TRDN: variants seen among roughly 807,000 people sequenced by gnomAD.
The protein encoded by TRDN is triadin.
In TRDN, 161 loss-of-function variants were observed where a neutral mutation model predicts 149.7. That is an observed-to-expected ratio of 1.08 (90% confidence interval 0.95 to 1.23). TRDN has a LOEUF of 1.23. TRDN is among the 50% of genes most tolerant of loss of function. TRDN has a pLI of 0.00. For synonymous variants in TRDN, 294 were observed against 250.5 expected (o/e 1.17, Z -1.64); for missense variants, 896 against 823.5 (o/e 1.09, Z -1.08).
intron 12 of TRDN, among the ~76,000 whole-genome samples, chr6:123,397,428 A>T (rs1772779066): frequency 6.6e-6 from 1 of 152,140 alleles, no homozygotes; most frequent in Non-Finnish European, 1.5e-5. Context: ...CTACCCTATA[A>T]ATTCTCTGAG....
At chr6:123,459,247 T>C (rs998029127) in intron 10 of TRDN, among the ~76,000 whole-genome samples, 74 of 152,166 alleles carry the variant, frequency 4.9e-4, no homozygotes, top group African/African-American at 1.7e-3. Flanking sequence ...CCGACCCTTA[T>C]GGGTTACATT....
chr6:123,468,266 G>T (rs1318224447), intron 9 of TRDN, among the ~76,000 whole-genome samples: 1 of 152,128 alleles, frequency 6.6e-6, no homozygotes, highest in African/African-American at 2.4e-5. Flanking sequence ...CTGAAGGAAA[G>T]ATTTAGGCTG....
intron 9 of TRDN, among the ~76,000 whole-genome samples, chr6:123,477,916 G>C (rs13218141): frequency 2.0e-5 from 3 of 149,772 alleles, no homozygotes; most frequent in Non-Finnish European, 4.4e-5. Context: ...TTGTGGGGTC[G>C]GGGGAGGGGG....
Position 123,464,933 on chromosome 6 carries a change from G to T in TRDN, c.904C>A (p.Pro302Thr). The T allele has an allele frequency of 1.3e-6, 2 of 1,597,774 alleles. No homozygotes were observed. Among genetic ancestry groups the T allele is most frequent in the Non-Finnish European group, 8.5e-7 (1 of 1,171,860 alleles). The change falls in exon 10 of 41, where the codon CCC (proline) becomes ACC (threonine). Residue 302 changes from proline to threonine, a missense_variant. Pro to Thr is a conservative substitution (Grantham distance 38). Transcript: ENST00000334268. ...TCAAGGGCAGGTGATGCCGGAGTGG[G>T]TCTGGAAGCTTGTTCTGTCGGTAAG... Reference protein sequence around the residue: ...PPLPTEQASRPTPASPALEEK... With the variant: ...PPLPTEQASRTTPASPALEEK...
intron 12 of TRDN, among the ~76,000 whole-genome samples, chr6:123,437,717 T>C (rs1774647525): frequency 6.6e-6 from 1 of 152,092 alleles, no homozygotes; most frequent in Admixed American, 6.6e-5. Context: ...AACTACTTCT[T>C]ACCATGCAGA....
chr6:123,410,349 C>A (rs1773381925), intron 12 of TRDN, among the ~76,000 whole-genome samples: 1 of 152,102 alleles, frequency 6.6e-6, no homozygotes, highest in Non-Finnish European at 1.5e-5. Flanking sequence ...CATTTTCTCC[C>A]CTTTTGCAAG....
chr6:123,590,857 G>C (rs1338368178), intron 1 of TRDN, among the ~76,000 whole-genome samples: 1 of 152,124 alleles, frequency 6.6e-6, no homozygotes, highest in Non-Finnish European at 1.5e-5. Flanking sequence ...CCCTGCCCTG[G>C]CCTGTGGAAA....
intron 19 of TRDN, among the ~76,000 whole-genome samples, chr6:123,370,874 C>T (rs1781296509): frequency 6.9e-6 from 1 of 144,702 alleles, no homozygotes; most frequent in African/African-American, 2.6e-5. Flanking sequence ...TATCTAGTGC[C>T]CATTTTTTTT....
intron 38 of TRDN, among the ~76,000 whole-genome samples, chr6:123,241,081 T>G (rs1384065680): frequency 6.6e-6 from 1 of 151,836 alleles, no homozygotes; most frequent in Non-Finnish European, 1.5e-5. Flanking sequence ...ATTATCATTT[T>G]ATAATTTACT....
At chr6:123,264,011 A>T (rs994068143) in intron 33 of TRDN, among the ~76,000 whole-genome samples, 12 of 152,100 alleles carry the variant, frequency 7.9e-5, no homozygotes, top group Non-Finnish European at 1.3e-4. Context: ...TGGTCACTCA[A>T]GAGCTCTAAT....
At chr6:123,465,131 T>A (rs1018967954) in intron 9 of TRDN, 148 bp from the exon 10 acceptor site, 41 of 883,764 alleles carry the variant, frequency 4.6e-5, no homozygotes, top group Non-Finnish European at 6.2e-5. Flanking sequence ...AAGAAAGCTA[T>A]TATTAAGGGA....
rs149656169 is a variant in TRDN, at chr6:123,537,806, G to T, written c.425-7241C>A. Among the ~76,000 whole-genome samples, 28 of 152,274 alleles carry T rather than the reference G, an allele frequency of 1.8e-4. 2 individuals carry two copies. The highest frequency in any genetic ancestry group is 6.5e-4 in the African/African-American group (27 of 41,552). On this transcript the variant is annotated intron_variant, in intron 4 of 40. Transcript: ENST00000334268. ...TATCAGTGATTCCTGTGAATGAGCT[G>T]ATTTTGTAGTGACGTATTTCTAAAT...
intron 24 of TRDN, among the ~76,000 whole-genome samples, chr6:123,286,930 G>T (rs1777823879): frequency 6.6e-6 from 1 of 151,968 alleles, no homozygotes; most frequent in Admixed American, 6.6e-5. Flanking sequence ...TCTGGAGGTG[G>T]GGCCCAGGAA....
chr6:123,442,541 G>A (rs1259080896), intron 10 of TRDN, among the ~76,000 whole-genome samples: 2 of 78,554 alleles, frequency 2.5e-5, no homozygotes, highest in South Asian at 8.2e-4. Context: ...GCGAGACTCC[G>A]TCTCAAAAAA....
chr6:123,268,159 A>G (rs1360558855), intron 31 of TRDN, among the ~76,000 whole-genome samples: 1 of 151,994 alleles, frequency 6.6e-6, no homozygotes, highest in Non-Finnish European at 1.5e-5. Context: ...TTTGAATCCT[A>G]GTAACCTTCT....
intron 10 of TRDN, among the ~76,000 whole-genome samples, chr6:123,447,647 T>A (rs958607025): frequency 3.9e-5 from 6 of 152,058 alleles, no homozygotes; most frequent in Non-Finnish European, 5.9e-5. Flanking sequence ...ATGAAATAAA[T>A]GTTGTAAAGG....
At chr6:123,448,787 C>G (rs1191455834) in intron 10 of TRDN, among the ~76,000 whole-genome samples, 1 of 152,058 alleles carries the variant, frequency 6.6e-6, no homozygotes, top group Non-Finnish European at 1.5e-5. Flanking sequence ...AGCATTAAAC[C>G]ACAAAAGCTA....
At chr6:123,459,266 C>T (rs889667552) in intron 10 of TRDN, among the ~76,000 whole-genome samples, 8 of 152,144 alleles carry the variant, frequency 5.3e-5, no homozygotes, top group Non-Finnish European at 8.8e-5. Context: ...TTAATCAAGC[C>T]CCATGTCCTC....
At chr6:123,231,182 A>G (rs543173271) in intron 38 of TRDN, among the ~76,000 whole-genome samples, 271 of 152,126 alleles carry the variant, frequency 1.8e-3, no homozygotes, top group African/African-American at 6.1e-3. Context: ...GGAGGAACCA[A>G]AAGGAAATAG....
Sources: gnomAD v4.1 joint callset for allele counts (sites outside exome capture counted in the v4.1 genomes callset) on GRCh38, gnomAD v4.1.1 for gene constraint, MANE v1.5 for transcripts, NCBI Gene and HGNC (gene_info 2026-07-23, HGNC 2026-07-21) for gene names.